Variants in PRKCE observed in about 807,000 individuals in gnomAD.
PRKCE encodes the protein protein kinase C epsilon type.
In PRKCE, 16 loss-of-function variants were observed where a neutral mutation model predicts 85.4. The observed-to-expected ratio is 0.19, with a 90% confidence interval of 0.13 to 0.28. The LOEUF is 0.28. PRKCE is among the 10% of genes least tolerant of loss of function. The pLI, the probability that PRKCE is intolerant of heterozygous loss-of-function variation, is 1.00. For synonymous variants in PRKCE, 388 were observed against 371.5 expected, an observed-to-expected ratio of 1.04 and a Z score of -0.51; for missense variants, 573 against 975.2, an observed-to-expected ratio of 0.59 and a Z score of 5.49.
chr2:46,182,344 C>T (rs757985904), intron 14 of PRKCE, among the ~76,000 whole-genome samples: 5 of 152,158 alleles, frequency 3.3e-5, no homozygotes, highest in South Asian at 4.1e-4. Context: ...TGTGCGTCAC[C>T]GTGGGGATGG....
At chr2:45,822,940 G>T (rs1201142827) in intron 1 of PRKCE, among the ~76,000 whole-genome samples, 1 of 152,166 alleles carries the variant, frequency 6.6e-6, no homozygotes, top group East Asian at 1.9e-4. Flanking sequence ...TATAATCACA[G>T]ATAAGTGATG....
chr2:45,855,843 CAAT>C (rs1271772395), intron 2 of PRKCE, among the ~76,000 whole-genome samples: 1 of 152,078 alleles, frequency 6.6e-6, no homozygotes, highest in Non-Finnish European at 1.5e-5. Context: ...ATGGGCTGAA[CAAT>C]GTTTTGCCCC....
At chr2:46,124,471 A>G (rs1309442178) in intron 11 of PRKCE, among the ~76,000 whole-genome samples, 3 of 152,186 alleles carry the variant, frequency 2.0e-5, no homozygotes, top group Admixed American at 6.5e-5. Flanking sequence ...GAATGGTTCA[A>G]TTTTATCCAC....
chr2:45,727,757 C>G (rs368409342), intron 1 of PRKCE, among the ~76,000 whole-genome samples: 2 of 152,138 alleles, frequency 1.3e-5, no homozygotes, highest in Admixed American at 1.3e-4. Flanking sequence ...TGGGTTCAAG[C>G]GATTCTCCCG....
At chr2:45,744,823 G>T (rs963967209) in intron 1 of PRKCE, among the ~76,000 whole-genome samples, 1 of 152,148 alleles carries the variant, frequency 6.6e-6, no homozygotes, top group African/African-American at 2.4e-5. Flanking sequence ...TGCCCAGGCT[G>T]ATCTCAAACT....
chr2:46,183,181 C>T (rs187708700), intron 14 of PRKCE, among the ~76,000 whole-genome samples: 34 of 152,282 alleles, frequency 2.2e-4, no homozygotes, highest in Middle Eastern at 3.4e-3. Flanking sequence ...TTTAGGAAAA[C>T]AAAAAAGTTT....
At chr2:45,706,429 C>T (rs919564003) in intron 1 of PRKCE, among the ~76,000 whole-genome samples, 6 of 152,178 alleles carry the variant, frequency 3.9e-5, no homozygotes, top group Non-Finnish European at 1.5e-5. Context: ...CCTCCCTGCC[C>T]TTGTGTCAAG....
At chr2:45,829,465 G>A (rs991897209) in intron 1 of PRKCE, among the ~76,000 whole-genome samples, 5 of 152,172 alleles carry the variant, frequency 3.3e-5, no homozygotes, top group African/African-American at 1.2e-4. Flanking sequence ...AAGGAGAAAA[G>A]GGGGAAGTCT....
At chr2:45,874,961 T>G (rs1471707639) in intron 2 of PRKCE, among the ~76,000 whole-genome samples, 1 of 152,132 alleles carries the variant, frequency 6.6e-6, no homozygotes, top group Non-Finnish European at 1.5e-5. Flanking sequence ...CCTGTTTTTC[T>G]CATTACGGAA....
intron 2 of PRKCE, among the ~76,000 whole-genome samples, chr2:45,938,410 A>G (rs1182688396): frequency 6.6e-6 from 1 of 152,196 alleles, no homozygotes. Flanking sequence ...CTAAGAAAAC[A>G]GGCAAAATCT....
At chr2:45,958,971 G>C (rs1444810997) in intron 2 of PRKCE, among the ~76,000 whole-genome samples, 2 of 150,458 alleles carry the variant, frequency 1.3e-5, no homozygotes, top group Non-Finnish European at 3.0e-5. Flanking sequence ...ATCAGAAAGA[G>C]CCACGTCAGG....
chr2:45,936,387 C>T (rs1699457054), intron 2 of PRKCE, among the ~76,000 whole-genome samples: 1 of 152,254 alleles, frequency 6.6e-6, no homozygotes, highest in African/African-American at 2.4e-5. Context: ...TTTGGGCCAG[C>T]ACCCACGTGG....
intron 10 of PRKCE, among the ~76,000 whole-genome samples, chr2:46,020,769 C>T (rs762053523): frequency 3.3e-5 from 5 of 152,092 alleles, no homozygotes; most frequent in Non-Finnish European, 5.9e-5. Context: ...ATAACAGGGA[C>T]TGGGAAGGAG....
intron 1 of PRKCE, among the ~76,000 whole-genome samples, chr2:45,737,365 C>T (rs550957190): frequency 5.9e-5 from 9 of 152,276 alleles, no homozygotes; most frequent in Non-Finnish European, 1.0e-4. Flanking sequence ...TGAAGCCAGG[C>T]GGAATCAGGC....
chr2:45,743,881 C>G (rs1414679733), intron 1 of PRKCE, among the ~76,000 whole-genome samples: 1 of 152,084 alleles, frequency 6.6e-6, no homozygotes, highest in African/African-American at 2.4e-5. Flanking sequence ...AGAGATGGCC[C>G]AAGCACCAGC....
intron 10 of PRKCE, among the ~76,000 whole-genome samples, chr2:46,082,301 G>T (rs1669161704): frequency 6.6e-6 from 1 of 152,078 alleles, no homozygotes; most frequent in Non-Finnish European, 1.5e-5. Flanking sequence ...AGAGAGAAAT[G>T]GACAAGTATA....
chr2:46,184,678 G>C lies in PRKCE; in HGVS notation c.2068-57G>C. ...TCAGTGCGGTGCCCACTCCCCATGG[G>C]GGGCCCTCAGGAGGGAGAGCAGCCT... On this transcript the variant is annotated intron_variant, in intron 14 of 14. Transcript: ENST00000306156. This position sits in a 1 kb window ranked among gnomAD's most constrained non-coding sequence, Gnocchi z 5.0. The C allele has an allele frequency of 1.3e-6, 2 of 1,579,154 alleles. No individual in the cohort carries two copies. Among genetic ancestry groups the C allele is most frequent in the Admixed American group, 1.7e-5 (1 of 58,476 alleles).
intron 11 of PRKCE, among the ~76,000 whole-genome samples, chr2:46,123,191 G>T (rs1673494403): frequency 1.2e-5 from 1 of 83,610 alleles, no homozygotes. Flanking sequence ...GAAAGGAAAA[G>T]CTTTACAAAG....
intron 1 of PRKCE, among the ~76,000 whole-genome samples, chr2:45,714,197 G>A (rs1679899585): frequency 1.3e-5 from 2 of 152,182 alleles, no homozygotes; most frequent in Non-Finnish European, 2.9e-5. Flanking sequence ...GAGTCGGATG[G>A]AGGAGGGGCA....
Sources: gnomAD v4.1 joint callset for allele counts (sites outside exome capture counted in the v4.1 genomes callset) on GRCh38, gnomAD v4.1.1 for gene constraint, Gnocchi (gnomAD v3.1) non-coding constraint, MANE v1.5 for transcripts, NCBI Gene and HGNC (gene_info 2026-07-23, HGNC 2026-07-21) for gene names.